Variants in AGBL2 observed in about 807,000 individuals in gnomAD.
AGBL2 encodes cytosolic carboxypeptidase 2.
In AGBL2, 87 loss-of-function variants were observed where a neutral mutation model predicts 103.0. The ratio of observed to expected loss-of-function variants is 0.84; its 90% CI spans 0.71 to 1.01. AGBL2 has a LOEUF of 1.01. AGBL2 is among the 50% of genes least tolerant of loss of function. AGBL2 has a pLI of 0.00. For synonymous variants in AGBL2, 335 were observed against 356.7 expected (o/e 0.94, Z 0.69); for missense variants, 904 against 1,023.5 (o/e 0.88, Z 1.59).
chr11:47,678,343 A>ATTTTTT (rs1440515781), intron 13 of AGBL2, among the ~76,000 whole-genome samples: 6 of 116,856 alleles, frequency 5.1e-5, no homozygotes, highest in South Asian at 3.6e-4. Flanking sequence ...TTATTATTTT[A>ATTTTTT]TTTTTTTTGA....
intron 10 of AGBL2, among the ~76,000 whole-genome samples, chr11:47,689,154 T>C (rs2097435212): frequency 6.6e-6 from 1 of 152,118 alleles, no homozygotes; most frequent in South Asian, 2.1e-4. Context: ...CTGACTGATG[T>C]TATGATTCTT....
In AGBL2 at chr11:47,699,489, A is replaced by G. The variant is rs553937853; in HGVS notation, c.651T>C (p.Ile217=). 64 of 1,610,224 alleles carry G rather than the reference A, an allele frequency of 4.0e-5. 1 individual carries two copies. The South Asian group carries it at 6.8e-4, about 17-fold the overall frequency. Reference sequence around the variant, plus strand: ...CAACTGTTCCTTTTTTCTCTCCTACAATCTCTGGTACCTTTTCATTTCCTT... The same window carrying G: ...CAACTGTTCCTTTTTTCTCTCCTACGATCTCTGGTACCTTTTCATTTCCTT... ...QPKGNEKVPE[I]VGEKKGTVVY... is the part of the protein sequence containing the mutation. The change falls in exon 8 of 19, where the codon ATT becomes ATC. Residue 217 remains isoleucine, a synonymous_variant. Transcript: ENST00000525123.
intron 11 of AGBL2, among the ~76,000 whole-genome samples, chr11:47,685,621 C>T (rs775019635): frequency 3.3e-5 from 5 of 151,532 alleles, no homozygotes; most frequent in South Asian, 2.1e-4. Context: ...GGGGTTTCTC[C>T]GTGTTGGTCA....
intron 12 of AGBL2, among the ~76,000 whole-genome samples, chr11:47,681,113 T>G (rs1166099081): frequency 6.6e-6 from 1 of 152,004 alleles, no homozygotes; most frequent in African/African-American, 2.4e-5. Flanking sequence ...GAGGATTGCT[T>G]GAGCCAGGGA....
At chr11:47,680,158 A>G (rs1463245042) in intron 12 of AGBL2, 85 bp from the exon 13 acceptor site, 18 of 948,336 alleles carry the variant, frequency 1.9e-5, no homozygotes, top group Non-Finnish European at 2.7e-5. Flanking sequence ...TCTTTTTAAA[A>G]ATACCACCAC....
chr11:47,686,696 C>T (rs549226551), intron 10 of AGBL2, among the ~76,000 whole-genome samples: 43 of 151,716 alleles, frequency 2.8e-4, no homozygotes, highest in African/African-American at 9.7e-4. Context: ...CACGGTGGCT[C>T]ATGCCTATAA....
Position 47,690,806 on chromosome 11 carries a change from G to T in AGBL2, c.901C>A (p.His301Asn). 1 of 1,613,676 alleles carries T rather than the reference G, an allele frequency of 6.2e-7. No individual in the cohort carries two copies. The highest frequency in any genetic ancestry group is 8.5e-7 in the Non-Finnish European group (1 of 1,179,974). ...TLRTDLYTNK[H>N]TQWFYFRVQN... ...ACACGAAAATAAAACCACTGAGTGT[G>T]TTTGTTAGTGTAGAGGTCAGTTCGC... is the stretch of plus-strand genomic sequence containing the variant. The change falls in exon 10 of 19, where the codon CAC becomes AAC. Residue 301 changes from histidine to asparagine, a missense_variant. By Grantham distance (68) the His-to-Asn change is moderately conservative (BLOSUM62 1). Transcript: ENST00000525123.
chr11:47,668,973 T>A, intron 14 of AGBL2, 66 bp from the exon 15 acceptor site: 3 of 1,123,632 alleles, frequency 2.7e-6, no homozygotes, highest in South Asian at 2.5e-5. Context: ...GCATAACATT[T>A]ACCAGACCAG....
intron 3 of AGBL2, among the ~76,000 whole-genome samples, chr11:47,713,616 TCTCA>T (rs1225680469): frequency 2.0e-5 from 3 of 150,824 alleles, no homozygotes; most frequent in African/African-American, 7.3e-5. Flanking sequence ...TGAGACAGAG[TCTCA>T]CTCTGTCGCC....
At chr11:47,694,978 G>C (rs943652633) in intron 8 of AGBL2, among the ~76,000 whole-genome samples, 1 of 151,726 alleles carries the variant, frequency 6.6e-6, no homozygotes, top group African/African-American at 2.4e-5. Flanking sequence ...GTGAAACCCA[G>C]TGTCTACCAA....
At chr11:47,685,841 T>G in intron 11 of AGBL2, 52 bp downstream of exon 11, 22 of 1,545,708 alleles carry the variant, frequency 1.4e-5, no homozygotes, top group Non-Finnish European at 1.9e-5. Context: ...TAGGAAGCAG[T>G]GAGTTCCCAT....
At chr11:47,673,926 C>G (rs1057385016) in intron 14 of AGBL2, among the ~76,000 whole-genome samples, 1 of 149,864 alleles carries the variant, frequency 6.7e-6, no homozygotes, top group African/African-American at 2.5e-5. Flanking sequence ...ATGGTGAAAC[C>G]GCATCTCTAC....
intron 8 of AGBL2, among the ~76,000 whole-genome samples, chr11:47,698,509 T>C (rs1348651433): frequency 6.6e-6 from 1 of 152,204 alleles, no homozygotes; most frequent in Non-Finnish European, 1.5e-5. Context: ...TGCTGCTTGC[T>C]TTGGGTTTAG....
intron 3 of AGBL2, among the ~76,000 whole-genome samples, chr11:47,713,318 T>TG (rs1251881569): frequency 7.2e-6 from 1 of 138,608 alleles, no homozygotes; most frequent in Non-Finnish European, 1.5e-5. Context: ...CATTTCAGCC[T>TG]GGGTGAAAAG....
chr11:47,666,737 A>G, intron 17 of AGBL2: 1 of 614,546 alleles, frequency 1.6e-6, no homozygotes, highest in Non-Finnish European at 2.9e-6. Flanking sequence ...TTCTTGGTGT[A>G]AAATCACAAA....
chr11:47,670,254 T>C (rs927220289), intron 14 of AGBL2, among the ~76,000 whole-genome samples: 1 of 152,216 alleles, frequency 6.6e-6, no homozygotes, highest in African/African-American at 2.4e-5. Context: ...GTATTCAATA[T>C]ATAAACATAT....
At chr11:47,714,479 T>C in intron 2 of AGBL2, 132 bp from the exon 3 acceptor site, 1 of 1,304,708 alleles carries the variant, frequency 7.7e-7, no homozygotes, top group Admixed American at 1.7e-5. Flanking sequence ...AATTATTCTA[T>C]CGTGGGGATC....
At chr11:47,674,264 G>A (rs938451631) in intron 14 of AGBL2, among the ~76,000 whole-genome samples, 1 of 151,054 alleles carries the variant, frequency 6.6e-6, no homozygotes, top group Non-Finnish European at 1.5e-5. Flanking sequence ...AGGTCATGTT[G>A]AAAAAGGCAG....
At chr11:47,675,259 A>G (rs1209756739) in intron 14 of AGBL2, among the ~76,000 whole-genome samples, 1 of 124,982 alleles carries the variant, frequency 8.0e-6, no homozygotes. Context: ...CGCAGATTGT[A>G]GTACACTAGC....
Sources: gnomAD v4.1 joint callset for allele counts (sites outside exome capture counted in the v4.1 genomes callset) on GRCh38, gnomAD v4.1.1 for gene constraint, MANE v1.5 for transcripts, NCBI Gene and HGNC (gene_info 2026-07-23, HGNC 2026-07-21) for gene names.